KCNIP4: variants seen among roughly 807,000 people sequenced by gnomAD.
KCNIP4 encodes the protein Kv channel-interacting protein 4.
Under a neutral mutation model 34.0 loss-of-function variants are expected in KCNIP4, and 12 were observed. The ratio of observed to expected loss-of-function variants is 0.35; its 90% CI spans 0.23 to 0.57. The LOEUF (loss-of-function observed/expected upper bound fraction) is 0.57, where lower values mean the gene tolerates loss of function less well. KCNIP4 is among the 20% of genes least tolerant of loss of function. The pLI, the probability that KCNIP4 is intolerant of heterozygous loss-of-function variation, is 0.83. For synonymous variants in KCNIP4, 124 were observed against 102.2 expected, an observed-to-expected ratio of 1.21 and a Z score of -1.29; for missense variants, 238 against 311.7, an observed-to-expected ratio of 0.76 and a Z score of 1.78.
chr4:21,858,811 G>A (rs1254234227), intron 1 of KCNIP4, among the ~76,000 whole-genome samples: 1 of 152,142 alleles, frequency 6.6e-6, no homozygotes, highest in African/African-American at 2.4e-5. Context: ...ACTGATTACT[G>A]TTTTAAGACA....
intron 1 of KCNIP4, among the ~76,000 whole-genome samples, chr4:21,159,016 A>G (rs958262): frequency 0.66 from 99,931 of 151,942 alleles, 33,431 homozygotes; most frequent in African/African-American, 0.78. Context: ...TAGTAAAGTT[A>G]TCAATTTTCC....
chr4:20,947,066 G>A (rs1048169529), intron 1 of KCNIP4, among the ~76,000 whole-genome samples: 1 of 152,114 alleles, frequency 6.6e-6, no homozygotes, highest in Non-Finnish European at 1.5e-5. Flanking sequence ...GCTCCCCTAA[G>A]CTCCCCTTAG....
intron 1 of KCNIP4, among the ~76,000 whole-genome samples, chr4:21,570,428 G>C (rs1373823321): frequency 6.6e-6 from 1 of 152,096 alleles, no homozygotes; most frequent in East Asian, 1.9e-4. Context: ...AATGGGTCTA[G>C]GTGATAGAAA....
intron 3 of KCNIP4, among the ~76,000 whole-genome samples, chr4:20,818,564 G>A (rs995620210): frequency 2.6e-5 from 4 of 152,150 alleles, no homozygotes; most frequent in African/African-American, 9.7e-5. Flanking sequence ...TGTCTAATGA[G>A]AGCCTCATTC....
At chr4:21,828,606 T>TA (rs897269387) in intron 1 of KCNIP4, among the ~76,000 whole-genome samples, 1 of 151,194 alleles carries the variant, frequency 6.6e-6, no homozygotes, top group Non-Finnish European at 1.5e-5. Context: ...TAAAGCAGAA[T>TA]AAAAAACAAA....
intron 1 of KCNIP4, among the ~76,000 whole-genome samples, chr4:20,979,618 T>G (rs1331279844): frequency 6.6e-6 from 1 of 151,992 alleles, no homozygotes. Flanking sequence ...CAGGATGGTC[T>G]CCATCTCCTG....
intron 1 of KCNIP4, among the ~76,000 whole-genome samples, chr4:21,196,122 G>A (rs1415486385): frequency 6.6e-6 from 1 of 152,118 alleles, no homozygotes. Context: ...ACAGTATTAC[G>A]AATCTTCAAT....
At chr4:21,437,477 T>G (rs1450734227) in intron 1 of KCNIP4, among the ~76,000 whole-genome samples, 1 of 152,316 alleles carries the variant, frequency 6.6e-6, no homozygotes, top group Admixed American at 6.5e-5. Flanking sequence ...CCATTTCCCA[T>G]TCCGTTCTCC....
rs989759707 is a variant in KCNIP4, at chr4:21,025,851, G to A, written c.62-143142C>T. Among the ~76,000 whole-genome samples, 4 of 151,828 alleles carry A rather than the reference G, an allele frequency of 2.6e-5. No individual in the cohort carries two copies. In the South Asian group the frequency reaches 6.2e-4, roughly 24 times the overall value. The stretch of plus-strand genomic sequence containing the variant: ...ATTACAGGCGTGAGCCACTGCACCC[G>A]GCCTGATACTGGTTTTTAAAATTTA... On this transcript the variant is annotated intron_variant, in intron 1 of 8. Coordinates refer to ENST00000382152, the MANE Select transcript of KCNIP4 (RefSeq NM_025221.6).
intron 1 of KCNIP4, among the ~76,000 whole-genome samples, chr4:21,522,477 C>T (rs554231927): frequency 2.6e-5 from 4 of 152,080 alleles, no homozygotes; most frequent in South Asian, 2.1e-4. Flanking sequence ...AGCGATCTTC[C>T]GGCCTCCTGA....
chr4:21,238,454 A>G (rs1411412726), intron 1 of KCNIP4, among the ~76,000 whole-genome samples: 2 of 152,218 alleles, frequency 1.3e-5, no homozygotes, highest in East Asian at 3.8e-4. Context: ...CTGTTTGCAG[A>G]TGACATGATT....
At chr4:21,532,189 T>C (rs1327977005) in intron 1 of KCNIP4, among the ~76,000 whole-genome samples, 4 of 152,170 alleles carry the variant, frequency 2.6e-5, no homozygotes, top group African/African-American at 9.7e-5. Context: ...TAGATGCACA[T>C]TTACATTTTG....
chr4:21,912,311 A>T (rs1728377664), intron 1 of KCNIP4, among the ~76,000 whole-genome samples: 1 of 152,160 alleles, frequency 6.6e-6, no homozygotes, highest in Admixed American at 6.5e-5. Context: ...TGTTTTTAGC[A>T]GTGTGTGAAA....
intron 1 of KCNIP4, among the ~76,000 whole-genome samples, chr4:21,704,447 T>C (rs1286666843): frequency 1.3e-5 from 2 of 152,098 alleles, no homozygotes; most frequent in Non-Finnish European, 2.9e-5. Flanking sequence ...AAGTGAAATA[T>C]GCAAACCACT....
At chr4:21,588,282 A>T (rs967065860) in intron 1 of KCNIP4, among the ~76,000 whole-genome samples, 29 of 152,008 alleles carry the variant, frequency 1.9e-4, no homozygotes, top group Non-Finnish European at 1.2e-4. Flanking sequence ...ACTTTGAGAA[A>T]ACCTGGCTAT....
At chr4:21,197,490 G>A (rs1266983647) in intron 1 of KCNIP4, among the ~76,000 whole-genome samples, 1 of 151,996 alleles carries the variant, frequency 6.6e-6, no homozygotes, top group Non-Finnish European at 1.5e-5. Flanking sequence ...TATTTTTACA[G>A]ATTTTTTTCA....
At chr4:21,036,299 T>A (rs971617644) in intron 1 of KCNIP4, among the ~76,000 whole-genome samples, 1 of 152,136 alleles carries the variant, frequency 6.6e-6, no homozygotes, top group African/African-American at 2.4e-5. Context: ...CATAGAAGGA[T>A]TAGGTGGACT....
At chr4:20,776,578 A>T (rs1447793207) in intron 3 of KCNIP4, among the ~76,000 whole-genome samples, 1 of 152,238 alleles carries the variant, frequency 6.6e-6, no homozygotes, top group Non-Finnish European at 1.5e-5. Context: ...GCTATATTTT[A>T]TTAATTGTTT....
intron 1 of KCNIP4, among the ~76,000 whole-genome samples, chr4:21,777,792 G>A (rs910520663): frequency 3.9e-5 from 6 of 152,114 alleles, no homozygotes; most frequent in Admixed American, 1.3e-4. Flanking sequence ...AAACACATCA[G>A]TTCTTTACTT....
Sources: allele counts gnomAD v4.1 joint callset (sites outside exome capture counted in the v4.1 genomes callset), GRCh38; gene constraint gnomAD v4.1.1; transcripts MANE v1.5; gene names NCBI Gene and HGNC (gene_info 2026-07-23, HGNC 2026-07-21).